DTX4: variants seen among roughly 807,000 people sequenced by gnomAD.
The protein encoded by DTX4 is E3 ubiquitin-protein ligase DTX4.
DTX4 carries 28 observed loss-of-function variants against 57.6 expected under a neutral mutation model. That is an observed-to-expected ratio of 0.49 (90% CI 0.36 to 0.67). The LOEUF (loss-of-function observed/expected upper bound fraction) is 0.67, where lower values mean the gene tolerates loss of function less well. Among genes scored for constraint, DTX4 ranks in the 30% least tolerant of loss-of-function variants. The pLI is 0.00. For synonymous variants in DTX4, 316 were observed against 331.0 expected (o/e 0.95, Z 0.49); for missense variants, 715 against 836.8 (o/e 0.85, Z 1.80).
At chr11:59,197,881 C>G (rs532700438) in intron 7 of DTX4, among the ~76,000 whole-genome samples, 4 of 152,262 alleles carry the variant, frequency 2.6e-5, no homozygotes, top group Admixed American at 2.0e-4. Context: ...GTGGGGCTAC[C>G]ATTTCCTCCA....
At position 59,208,440 on chromosome 11, in the gene DTX4, C is replaced by A. The variant is rs183450197; in HGVS notation, c.*3531C>A. 1 of 152,266 alleles carries A rather than the reference C, an allele frequency of 6.6e-6. No homozygotes were observed. The highest frequency in any genetic ancestry group is 1.9e-4 in the East Asian group (1 of 5,186). 9.4% of individuals were successfully genotyped at this position (152,266 alleles called of 1,614,324 possible). On this transcript the variant is annotated 3_prime_UTR_variant, in exon 9 of 9. Transcript: ENST00000227451. ...TGGGAGAAAAACACTTTTAGAATCA[C>A]GAATATTCACTTTTAAAGGTCTCTT...
chr11:59,184,919 C>A (rs962839845), intron 2 of DTX4, among the ~76,000 whole-genome samples: 1 of 152,190 alleles, frequency 6.6e-6, no homozygotes, highest in Non-Finnish European at 1.5e-5. Context: ...ATTTAATTAG[C>A]GTGTTTATTC....
intron 8 of DTX4, among the ~76,000 whole-genome samples, chr11:59,200,160 G>A (rs1862723642): frequency 6.6e-6 from 1 of 152,202 alleles, no homozygotes; most frequent in Non-Finnish European, 1.5e-5. Context: ...GAAAGAATGA[G>A]AGCCAAGTGA....
intron 2 of DTX4, among the ~76,000 whole-genome samples, chr11:59,182,963 A>G (rs1862485380): frequency 6.6e-6 from 1 of 152,216 alleles, no homozygotes; most frequent in Admixed American, 6.5e-5. Context: ...AATAATAGGC[A>G]ACATTAATAA....
intron 1 of DTX4, among the ~76,000 whole-genome samples, chr11:59,180,482 A>G (rs1862449748): frequency 6.6e-6 from 1 of 152,130 alleles, no homozygotes; most frequent in South Asian, 2.1e-4. Context: ...CCCCCCTTGA[A>G]TGGGATTCTG....
At chr11:59,195,903 G>A (rs1862661696) in intron 7 of DTX4, among the ~76,000 whole-genome samples, 1 of 152,182 alleles carries the variant, frequency 6.6e-6, no homozygotes, top group Admixed American at 6.5e-5. Context: ...TTTGTCAAAC[G>A]GTATTTGCAC....
intron 1 of DTX4, among the ~76,000 whole-genome samples, chr11:59,178,957 C>G (rs1862427515): frequency 6.6e-6 from 1 of 151,626 alleles, no homozygotes; most frequent in South Asian, 2.1e-4. Flanking sequence ...GAAGACAAAC[C>G]TAGAAAGGTA....
At chr11:59,172,866 A>T (rs996089934) in intron 1 of DTX4, 60 bp downstream of exon 1, 1 of 1,379,266 alleles carries the variant, frequency 7.3e-7, no homozygotes, top group African/African-American at 1.5e-5. Flanking sequence ...CTGCCAAGGT[A>T]CCTCCCTCCC....
In DTX4 at chr11:59,205,326, G is replaced by C. The variant is rs1456067451; in HGVS notation, c.*417G>C. The C allele has an allele frequency of 1.5e-5, 3 of 193,758 alleles. No homozygotes were observed. Among genetic ancestry groups the C allele is most frequent in the African/African-American group, 4.6e-5 (2 of 43,892 alleles). 12.0% of individuals were successfully genotyped at this position (193,758 alleles called of 1,614,324 possible). A position where few individuals can be genotyped will look rare whatever the true frequency, so the allele number is the denominator to read the frequency against. ...TCTTGCTACTTCCACTCTGCTTTGA[G>C]ACTGGAGTTTCTGCTATTCTCCCTC... On this transcript the variant is annotated 3_prime_UTR_variant, in exon 9 of 9. Coordinates refer to ENST00000227451, the MANE Select transcript of DTX4 (RefSeq NM_015177.2).
At chr11:59,174,886 T>A (rs1466329038) in intron 1 of DTX4, among the ~76,000 whole-genome samples, 1 of 152,202 alleles carries the variant, frequency 6.6e-6, no homozygotes, top group African/African-American at 2.4e-5. Flanking sequence ...CAGACTGCTG[T>A]GGTTTCATCC....
At chr11:59,203,039 G>C (rs1320571718) in intron 8 of DTX4, among the ~76,000 whole-genome samples, 2 of 152,200 alleles carry the variant, frequency 1.3e-5, no homozygotes, top group African/African-American at 4.8e-5. Context: ...AAAGATAAAA[G>C]TGGTATATCT....
chr11:59,192,064 G>C, intron 5 of DTX4, 34 bp from the exon 6 acceptor site: 2 of 1,597,480 alleles, frequency 1.3e-6, no homozygotes, highest in South Asian at 2.2e-5. Context: ...AGTGAGAGCT[G>C]ACAGCCTCTC....
At position 59,176,457 on chromosome 11, in the gene DTX4, A is replaced by C. The variant is rs115407874; in HGVS notation, c.211+3651A>C. 3.6e-3 allele frequency among the ~76,000 whole-genome samples: 549 copies of C among 152,380 alleles called. 4 individuals are homozygous for C. Among genetic ancestry groups the C allele is most frequent in the African/African-American group, 0.012 (515 of 41,590 alleles). ...TAGGTGCCCTATGTCCTATTTCTAC[A>C]TTCAGTAAATAGTTATGGAGCAACT... On this transcript the variant is annotated intron_variant, in intron 1 of 8. Coordinates refer to ENST00000227451, the MANE Select transcript of DTX4 (RefSeq NM_015177.2).
At position 59,172,616 on chromosome 11, in the gene DTX4, G is replaced by A. The variant is rs758158232; in HGVS notation, c.21G>A (p.Val7=). ...TCGCCATGCTCCTGGCCTCGGCCGT[G>A]GTGGTCTGGGAATGGCTGAACGAGC... MLLASA[V]VVWEWLNEHG... is the part of the protein sequence containing the mutation. Residue 7 remains valine (V), a synonymous_variant, in exon 1 of 9, where the codon GTG becomes GTA. Coordinates refer to ENST00000227451, the MANE Select transcript of DTX4 (RefSeq NM_015177.2). The A allele has an allele frequency of 5.1e-6, 8 of 1,564,898 alleles. No homozygotes were observed. Among genetic ancestry groups the A allele is most frequent in the African/African-American group, 4.2e-5 (3 of 72,010 alleles).
chr11:59,176,439 C>T (rs1862396931), intron 1 of DTX4, among the ~76,000 whole-genome samples: 2 of 152,224 alleles, frequency 1.3e-5, no homozygotes, highest in African/African-American at 2.4e-5. Flanking sequence ...AATTAGGTGC[C>T]CTATGTCCTA....
Position 59,205,277 on chromosome 11 carries a change from C to T in DTX4, c.*368C>T, listed in dbSNP as rs563641408. 11 of 197,346 alleles carry T rather than the reference C, an allele frequency of 5.6e-5. No individual in the cohort carries two copies. Among genetic ancestry groups the T allele is most frequent in the African/African-American group, 2.0e-4 (9 of 44,120 alleles). The allele number at this position is 197,346 out of a possible 1,614,324, so 12.2% of individuals were successfully genotyped here. On this transcript the variant is annotated 3_prime_UTR_variant, in exon 9 of 9. Coordinates refer to ENST00000227451, the MANE Select transcript of DTX4 (RefSeq NM_015177.2). ...ACTCCATATCCTGGCTTTGGGAAGCCGGGGTTTCTTGCCTCAGCCGGCTTC... is the reference window on the plus strand; with the variant it reads ...ACTCCATATCCTGGCTTTGGGAAGCTGGGGTTTCTTGCCTCAGCCGGCTTC...
At chr11:59,179,888 C>A (rs1176307131) in intron 1 of DTX4, among the ~76,000 whole-genome samples, 2 of 151,852 alleles carry the variant, frequency 1.3e-5, no homozygotes, top group Admixed American at 6.6e-5. Context: ...CTCTTTCTTA[C>A]ACCCCCTACC....
At chr11:59,201,878 C>T (rs989288352) in intron 8 of DTX4, among the ~76,000 whole-genome samples, 1 of 152,200 alleles carries the variant, frequency 6.6e-6, no homozygotes, top group African/African-American at 2.4e-5. Context: ...ATGTTAATGA[C>T]ATATTCAGAG....
At position 59,182,420 on chromosome 11, in the gene DTX4, AGCGACTGGCCATT is replaced by A; in HGVS notation, c.896_908del (p.Arg299ProfsTer6). The A allele has an allele frequency of 6.2e-7, 1 of 1,612,858 alleles. No homozygotes were observed. Among genetic ancestry groups the A allele is most frequent in the Non-Finnish European group, 8.5e-7 (1 of 1,179,448 alleles). On this transcript the variant is annotated frameshift_variant, in exon 2 of 9. Transcript: ENST00000227451. LOFTEE classifies it high-confidence loss of function. ...GCCACCTTGAATCGTACCAACCTGC[AGCGACTGGCCATT>A]GCCCAGTCCCGGGTGCTGATCGCCT...
Sources: gnomAD v4.1 joint callset for allele counts (sites outside exome capture counted in the v4.1 genomes callset) on GRCh38, gnomAD v4.1.1 for gene constraint, MANE v1.5 for transcripts, NCBI Gene and HGNC (gene_info 2026-07-23, HGNC 2026-07-21) for gene names.